FGF12: variants seen among roughly 807,000 people sequenced by gnomAD.
FGF12 encodes fibroblast growth factor 12, also known as fibroblast growth factor 12B.
In FGF12, 14 loss-of-function variants were observed where a neutral mutation model predicts 23.6. The ratio of observed to expected loss-of-function variants is 0.59; its 90% CI spans 0.39 to 0.93. The LOEUF (loss-of-function observed/expected upper bound fraction) is 0.93. FGF12 is among the 40% of genes least tolerant of loss of function. FGF12 has a pLI of 0.00. For missense variants in FGF12, 175 were observed against 217.8 expected, an observed-to-expected ratio of 0.80 and a Z score of 1.24; for synonymous variants, 62 against 77.3, an observed-to-expected ratio of 0.80 and a Z score of 1.04.
At chr3:192,625,923 G>T (rs1715150780) in intron 2 of FGF12, among the ~76,000 whole-genome samples, 1 of 152,174 alleles carries the variant, frequency 6.6e-6, no homozygotes, top group Non-Finnish European at 1.5e-5. Context: ...AGGGTTAAAA[G>T]TAAATTGATA....
intron 2 of FGF12, among the ~76,000 whole-genome samples, chr3:192,622,152 C>T (rs1714999160): frequency 6.6e-6 from 1 of 152,146 alleles, no homozygotes; most frequent in Non-Finnish European, 1.5e-5. Context: ...GTAATCATTT[C>T]CACAGCATGC....
intron 2 of FGF12, among the ~76,000 whole-genome samples, chr3:192,704,667 CCTTTGAAG>C (rs1577131490): frequency 6.6e-6 from 1 of 152,190 alleles, no homozygotes; most frequent in African/African-American, 2.4e-5. Context: ...GTGAGCCTGT[CCTTTGAAG>C]CTTTGAAGCC....
intron 2 of FGF12, among the ~76,000 whole-genome samples, chr3:192,458,627 A>G (rs1333075650): frequency 6.6e-6 from 1 of 152,100 alleles, no homozygotes; most frequent in African/African-American, 2.4e-5. Context: ...GGAAGGAACT[A>G]GCTTGCTTTT....
intron 2 of FGF12, among the ~76,000 whole-genome samples, chr3:192,490,454 C>T (rs1455581161): frequency 6.6e-6 from 1 of 151,750 alleles, no homozygotes; most frequent in African/African-American, 2.4e-5. Context: ...TGTATACAAA[C>T]ATATATAAAC....
intron 2 of FGF12, among the ~76,000 whole-genome samples, chr3:192,618,738 T>C: frequency 6.6e-6 from 1 of 151,846 alleles, no homozygotes; most frequent in East Asian, 1.9e-4. Context: ...GGCTTCTGCC[T>C]TCATAGATCA....
At chr3:192,263,535 T>TA (rs977216076) in intron 4 of FGF12, among the ~76,000 whole-genome samples, 13 of 115,742 alleles carry the variant, frequency 1.1e-4, no homozygotes, top group East Asian at 2.4e-4. Context: ...TTTAAAAAAA[T>TA]AAAAAAAAAG....
intron 4 of FGF12, among the ~76,000 whole-genome samples, chr3:192,289,981 G>C (rs889867302): frequency 2.6e-5 from 4 of 152,140 alleles, no homozygotes; most frequent in African/African-American, 9.7e-5. Context: ...GAGATCAAGT[G>C]ACATTTGCAA....
chr3:192,640,794 TTTTTG>T (rs1432304652), intron 2 of FGF12, among the ~76,000 whole-genome samples: 2 of 92,698 alleles, frequency 2.2e-5, no homozygotes, highest in African/African-American at 7.4e-5. Context: ...AAACCCCTTT[TTTTTG>T]TTTGTTTGTT....
At chr3:192,436,136 C>A (rs1304725676) in intron 2 of FGF12, among the ~76,000 whole-genome samples, 1 of 152,172 alleles carries the variant, frequency 6.6e-6, no homozygotes, top group African/African-American at 2.4e-5. Context: ...CAGGACAATA[C>A]TGTCATAGTC....
intron 4 of FGF12, among the ~76,000 whole-genome samples, chr3:192,239,188 T>G (rs569480248): frequency 5.3e-5 from 8 of 152,318 alleles, no homozygotes; most frequent in Non-Finnish European, 1.0e-4. Context: ...CTAGCTCTTT[T>G]CTATTCTCTA....
At chr3:192,637,167 G>A (rs1337168370) in intron 2 of FGF12, among the ~76,000 whole-genome samples, 3 of 152,178 alleles carry the variant, frequency 2.0e-5, no homozygotes. Context: ...TGCTGACAAT[G>A]CTTTTGGCTG....
intron 3 of FGF12, among the ~76,000 whole-genome samples, chr3:192,351,277 A>G (rs961471311): frequency 6.6e-6 from 1 of 152,056 alleles, no homozygotes; most frequent in Non-Finnish European, 1.5e-5. Context: ...CATTCCTCAG[A>G]GGAGAAATGA....
chr3:192,599,288 A>T (rs1714009400), intron 2 of FGF12, among the ~76,000 whole-genome samples: 1 of 150,684 alleles, frequency 6.6e-6, no homozygotes, highest in African/African-American at 2.4e-5. Flanking sequence ...AATAATAAAG[A>T]CTGTTACCTT....
chr3:192,297,516 CA>C (rs1715110302), intron 4 of FGF12, among the ~76,000 whole-genome samples: 1 of 152,136 alleles, frequency 6.6e-6, no homozygotes, highest in Admixed American at 6.6e-5. Context: ...TTTAATACGT[CA>C]ATGCAGGCTT....
rs538363364 is a variant in FGF12 at position 192,727,407 on chromosome 3, G to A, written c.-131+77C>T. The A allele has an allele frequency of 6.4e-6, 9 of 1,412,474 alleles. No homozygotes were observed. The South Asian group carries it at 9.9e-5, about 16-fold the overall frequency. 87.5% of individuals were successfully genotyped at this position (1,412,474 alleles called of 1,614,324 possible). On this transcript the variant is annotated intron_variant, in intron 1 of 5. Transcript: ENST00000445105. ...GAGCAGCAGCAGATTGCCTCTACAG[G>A]GGATACGTTGCGACGCGCATCTGAT...
intron 2 of FGF12, among the ~76,000 whole-genome samples, chr3:192,679,569 G>A (rs972887124): frequency 2.0e-5 from 3 of 151,776 alleles, no homozygotes; most frequent in South Asian, 4.2e-4. Context: ...TTGTGCCACC[G>A]CACTCCAACC....
intron 4 of FGF12, among the ~76,000 whole-genome samples, chr3:192,296,968 C>T (rs1302470684): frequency 6.6e-6 from 1 of 152,148 alleles, no homozygotes; most frequent in Non-Finnish European, 1.5e-5. Context: ...TCCAGGTAGT[C>T]AGCAAAGTGC....
intron 2 of FGF12, among the ~76,000 whole-genome samples, chr3:192,628,746 T>G (rs1715276110): frequency 6.7e-6 from 1 of 150,240 alleles, no homozygotes; most frequent in African/African-American, 2.4e-5. Flanking sequence ...CATATATACA[T>G]AAATATATAC....
intron 2 of FGF12, among the ~76,000 whole-genome samples, chr3:192,703,534 T>G (rs1269904833): frequency 6.6e-6 from 1 of 152,214 alleles, no homozygotes; most frequent in African/African-American, 2.4e-5. Context: ...GTTTGTCACA[T>G]CGATTGACTC....
Sources: gnomAD v4.1 joint callset for allele counts (sites outside exome capture counted in the v4.1 genomes callset) on GRCh38, gnomAD v4.1.1 for gene constraint, MANE v1.5 for transcripts, NCBI Gene and HGNC (gene_info 2026-07-23, HGNC 2026-07-21) for gene names.